The following ARHGAP42 variants were observed in gnomAD, a reference collection of about 807,000 sequenced individuals.
The protein encoded by ARHGAP42 is Rho GTPase activating protein 42.
In ARHGAP42, 63 loss-of-function variants were observed where a neutral mutation model predicts 125.0. The ratio of observed to expected loss-of-function variants is 0.50; its 90% confidence interval spans 0.41 to 0.62. The LOEUF (loss-of-function observed/expected upper bound fraction) is 0.62, where lower values mean the gene tolerates loss of function less well. ARHGAP42 is among the 20% of genes least tolerant of loss of function. The pLI is 0.00. For synonymous variants in ARHGAP42, 339 were observed against 351.0 expected, an observed-to-expected ratio of 0.97 and a Z score of 0.38; for missense variants, 766 against 1,024.2, an observed-to-expected ratio of 0.75 and a Z score of 3.44.
At chr11:100,791,304 A>G (rs907137079) in intron 2 of ARHGAP42, among the ~76,000 whole-genome samples, 3 of 152,202 alleles carry the variant, frequency 2.0e-5, no homozygotes, top group African/African-American at 7.2e-5. Context: ...GATCCCCATC[A>G]GCCTGTTCTC....
intron 3 of ARHGAP42, among the ~76,000 whole-genome samples, chr11:100,835,601 G>T (rs937977216): frequency 6.6e-6 from 1 of 152,022 alleles, no homozygotes; most frequent in Non-Finnish European, 1.5e-5. Context: ...GGGTAGCAGT[G>T]GTTATCACAT....
At chr11:100,875,299 A>T (rs896135816) in intron 4 of ARHGAP42, among the ~76,000 whole-genome samples, 1 of 151,414 alleles carries the variant, frequency 6.6e-6, no homozygotes, top group Admixed American at 6.6e-5. Flanking sequence ...AACGTACTGG[A>T]GTTAGTAACC....
At chr11:100,736,508 G>A (rs1441228804) in intron 1 of ARHGAP42, among the ~76,000 whole-genome samples, 1 of 152,148 alleles carries the variant, frequency 6.6e-6, no homozygotes, top group Non-Finnish European at 1.5e-5. Context: ...GTGATTAATG[G>A]GAACTGGAAT....
chr11:100,824,020 G>T (rs1864457009), intron 3 of ARHGAP42, among the ~76,000 whole-genome samples: 2 of 152,172 alleles, frequency 1.3e-5, no homozygotes, highest in Admixed American at 6.5e-5. Context: ...GCTGAAAAAA[G>T]TAAGGGCATT....
intron 3 of ARHGAP42, among the ~76,000 whole-genome samples, chr11:100,804,261 A>G (rs1863935203): frequency 6.6e-6 from 1 of 152,132 alleles, no homozygotes; most frequent in Non-Finnish European, 1.5e-5. Context: ...AAGTACTAGG[A>G]TTGCAGGCAT....
chr11:100,952,577 C>G (rs79806641), intron 12 of ARHGAP42, among the ~76,000 whole-genome samples: 2,085 of 152,128 alleles, frequency 0.014, 49 homozygotes, highest in African/African-American at 0.048. Flanking sequence ...CTCACCCAAA[C>G]AGAATCACTA....
At chr11:100,940,996 A>G (rs1565286250) in intron 8 of ARHGAP42, among the ~76,000 whole-genome samples, 1 of 152,186 alleles carries the variant, frequency 6.6e-6, no homozygotes, top group East Asian at 1.9e-4. Flanking sequence ...AGAAAGAGAG[A>G]TAAGTATTAA....
Position 100,976,375 on chromosome 11 carries a change from A to G in ARHGAP42, c.2174A>G (p.Tyr725Cys), listed in dbSNP as rs1858391684. The G allele has an allele frequency of 6.5e-7, 1 of 1,549,888 alleles. No homozygotes were observed. Among genetic ancestry groups the G allele is most frequent in the African/African-American group, 1.4e-5 (1 of 72,972 alleles). Residue 725 changes from tyrosine to cysteine, a missense_variant, in exon 20 of 24, where the codon TAT becomes TGT. By Grantham distance (194) the Tyr-to-Cys change is radical (BLOSUM62 -2). Coordinates refer to ENST00000298815, the MANE Select transcript of ARHGAP42 (RefSeq NM_152432.4). ...PPIDLVKKEP[Y>C]GLSGLKRASA... ...ATAGACCTAGTCAAGAAAGAGCCTT[A>G]TGGGCTTTCAGGACTGAAAAGAGCT...
chr11:100,903,612 G>T (rs1866623244), intron 4 of ARHGAP42, among the ~76,000 whole-genome samples: 1 of 150,240 alleles, frequency 6.7e-6, no homozygotes, highest in Non-Finnish European at 1.5e-5. Context: ...AGTATTCCTT[G>T]TCTTCCCACA....
At chr11:100,732,728 A>G (rs1861981273) in intron 1 of ARHGAP42, among the ~76,000 whole-genome samples, 1 of 152,198 alleles carries the variant, frequency 6.6e-6, no homozygotes, top group African/African-American at 2.4e-5. Flanking sequence ...TGGCATAGTG[A>G]GTGACTGGCT....
At chr11:100,719,236 A>T (rs1195673103) in intron 1 of ARHGAP42, among the ~76,000 whole-genome samples, 3 of 152,192 alleles carry the variant, frequency 2.0e-5, no homozygotes, top group African/African-American at 7.2e-5. Flanking sequence ...TTTTGCTGAA[A>T]TATTGGCCAG....
chr11:100,946,262 G>T (rs1232490144), intron 10 of ARHGAP42, among the ~76,000 whole-genome samples: 1 of 152,052 alleles, frequency 6.6e-6, no homozygotes, highest in Non-Finnish European at 1.5e-5. Flanking sequence ...GTTATGGCTG[G>T]TTTGATCTTC....
intron 4 of ARHGAP42, among the ~76,000 whole-genome samples, chr11:100,893,891 C>G (rs1215750514): frequency 1.3e-5 from 2 of 152,056 alleles, no homozygotes; most frequent in Non-Finnish European, 2.9e-5. Context: ...CACAATTTAG[C>G]TTTTAAGTCT....
intron 17 of ARHGAP42, among the ~76,000 whole-genome samples, chr11:100,967,490 A>G (rs531636472): frequency 6.6e-6 from 1 of 152,202 alleles, no homozygotes; most frequent in South Asian, 2.1e-4. Context: ...GATTTTACAC[A>G]TGGATATTTG....
In ARHGAP42 at chr11:100,777,935, T is replaced by C. The variant is rs1863170091; in HGVS notation, c.250+7497T>C. ...TGATAGTTCACACCTATAATCCTAG[T>C]GCTTGCAGAAGCCATGGCGGGAGGA... On this transcript the variant is annotated intron_variant, in intron 2 of 23. Coordinates refer to ENST00000298815, the MANE Select transcript of ARHGAP42 (RefSeq NM_152432.4). 2.0e-5 allele frequency among the ~76,000 whole-genome samples: 3 copies of C among 152,106 alleles called. No individual in the cohort carries two copies. The South Asian group carries it at 6.2e-4, about 31-fold the overall frequency.
intron 1 of ARHGAP42, among the ~76,000 whole-genome samples, chr11:100,702,470 C>T (rs73573318): frequency 0.016 from 2,377 of 151,564 alleles, 81 homozygotes; most frequent in African/African-American, 0.054. Flanking sequence ...GTGAGAATCA[C>T]CAAAATGTGA....
At chr11:100,986,832 A>T (rs1266299299) in intron 22 of ARHGAP42, among the ~76,000 whole-genome samples, 1 of 151,796 alleles carries the variant, frequency 6.6e-6, no homozygotes, top group East Asian at 1.9e-4. Context: ...GTAACTCCTA[A>T]ATTCTGACTT....
chr11:100,693,220 C>T (rs990700815), intron 1 of ARHGAP42, among the ~76,000 whole-genome samples: 2 of 150,778 alleles, frequency 1.3e-5, no homozygotes, highest in African/African-American at 4.9e-5. Flanking sequence ...GTGAGAGTTC[C>T]TTATTCCACT....
chr11:100,818,300 C>T (rs147228362), intron 3 of ARHGAP42, among the ~76,000 whole-genome samples: 6 of 151,884 alleles, frequency 4.0e-5, no homozygotes, highest in South Asian at 2.1e-4. Context: ...ATGATAGATA[C>T]GATTGACAAA....
Sources: gnomAD v4.1 joint callset for allele counts (sites outside exome capture counted in the v4.1 genomes callset) on GRCh38, gnomAD v4.1.1 for gene constraint, MANE v1.5 for transcripts, NCBI Gene and HGNC (gene_info 2026-07-23, HGNC 2026-07-21) for gene names.